The following NOVA1 variants were observed in gnomAD, a reference collection of about 807,000 sequenced individuals.
NOVA1 encodes the protein RNA-binding protein Nova-1.
In NOVA1, 7 loss-of-function variants were observed where a neutral mutation model predicts 38.0. That is an observed-to-expected ratio of 0.18 (90% CI 0.10 to 0.35). The LOEUF is 0.35. Among genes scored for constraint, NOVA1 ranks in the 10% least tolerant of loss-of-function variants. The pLI, the probability that NOVA1 is intolerant of heterozygous loss-of-function variation, is 1.00. For missense variants in NOVA1, 460 were observed against 616.0 expected, an observed-to-expected ratio of 0.75 and a Z score of 2.68; for synonymous variants, 270 against 232.5, an observed-to-expected ratio of 1.16 and a Z score of -1.47.
intron 2 of NOVA1, among the ~76,000 whole-genome samples, chr14:26,557,009 C>T (rs2138666891): frequency 6.6e-6 from 1 of 152,242 alleles, no homozygotes; most frequent in African/African-American, 2.4e-5. Flanking sequence ...AAGCCTCTCT[C>T]CTTGGCTTGT....
At chr14:26,482,945 C>T (rs1885581965) in intron 2 of NOVA1, among the ~76,000 whole-genome samples, 1 of 152,136 alleles carries the variant, frequency 6.6e-6, no homozygotes. Context: ...ATCTGCCCAC[C>T]TCAGCCTCCC....
intron 2 of NOVA1, among the ~76,000 whole-genome samples, chr14:26,545,972 T>C (rs972585394): frequency 6.6e-6 from 1 of 152,098 alleles, no homozygotes; most frequent in Non-Finnish European, 1.5e-5. Flanking sequence ...ACTTATACAT[T>C]TAAAATTTTC....
chr14:26,462,326 T>C (rs1018120588), intron 4 of NOVA1, among the ~76,000 whole-genome samples: 1 of 152,150 alleles, frequency 6.6e-6, no homozygotes, highest in Non-Finnish European at 1.5e-5. Flanking sequence ...ATGTATATTG[T>C]TTCATGGTAA....
intron 2 of NOVA1, among the ~76,000 whole-genome samples, chr14:26,540,465 G>C (rs1890393362): frequency 6.6e-6 from 1 of 152,076 alleles, no homozygotes; most frequent in Non-Finnish European, 1.5e-5. Context: ...GATGACTTTT[G>C]CCACAATTAT....
intron 4 of NOVA1, among the ~76,000 whole-genome samples, chr14:26,462,369 GAC>G (rs1490851549): frequency 6.6e-6 from 1 of 151,846 alleles, no homozygotes; most frequent in Non-Finnish European, 1.5e-5. Flanking sequence ...AAAAAAAAGA[GAC>G]AGTGTCATAT....
At chr14:26,475,991 T>C (rs76591573) in intron 3 of NOVA1, among the ~76,000 whole-genome samples, 1,586 of 152,306 alleles carry the variant, frequency 0.01, 10 homozygotes, top group Non-Finnish European at 0.017. Flanking sequence ...ATCTCAATTG[T>C]AATTCAAAAT....
At chr14:26,503,235 A>G (rs1887373127) in intron 2 of NOVA1, among the ~76,000 whole-genome samples, 1 of 152,042 alleles carries the variant, frequency 6.6e-6, no homozygotes, top group African/African-American at 2.4e-5. Flanking sequence ...AGAAAAAGGT[A>G]AACATCAACC....
chr14:26,485,078 A>C lies in NOVA1; in HGVS notation c.281-4935T>G, dbSNP rs544221453. ...AAAATAACTGTTATGAAAAACACTG[A>C]GAGACAATGACAGGCTCAGCAGAGA... On this transcript the variant is annotated intron_variant, in intron 2 of 4. Coordinates refer to ENST00000539517, the MANE Select transcript of NOVA1 (RefSeq NM_002515.3). Among the ~76,000 whole-genome samples, 34 of 152,318 alleles carry C rather than the reference A, an allele frequency of 2.2e-4. 1 individual carries two copies. Among genetic ancestry groups the C allele is most frequent in the African/African-American group, 7.9e-4 (33 of 41,564 alleles).
intron 2 of NOVA1, among the ~76,000 whole-genome samples, chr14:26,504,777 TA>T (rs5807365): frequency 0.015 from 2,234 of 148,272 alleles, 44 homozygotes; most frequent in African/African-American, 0.05. Flanking sequence ...GACAGTAAGT[TA>T]AAAAAAAAAA....
At chr14:26,559,602 T>C (rs1283119508) in intron 2 of NOVA1, among the ~76,000 whole-genome samples, 2 of 152,130 alleles carry the variant, frequency 1.3e-5, no homozygotes, top group East Asian at 3.9e-4. Flanking sequence ...TGGATAGAAC[T>C]GGTAGTCATT....
chr14:26,510,179 ATTAT>A (rs1482383919), intron 2 of NOVA1, among the ~76,000 whole-genome samples: 1 of 152,192 alleles, frequency 6.6e-6, no homozygotes, highest in East Asian at 1.9e-4. Flanking sequence ...TCATTAAGTC[ATTAT>A]TTATTTTATT....
chr14:26,574,097 C>A (rs1055596737), intron 2 of NOVA1, among the ~76,000 whole-genome samples: 1 of 148,604 alleles, frequency 6.7e-6, no homozygotes, highest in African/African-American at 2.5e-5. Flanking sequence ...ACAATCTCAG[C>A]TCACTGCAAC....
At chr14:26,574,047 A>G (rs1342953735) in intron 2 of NOVA1, among the ~76,000 whole-genome samples, 6 of 136,996 alleles carry the variant, frequency 4.4e-5, no homozygotes, top group Admixed American at 3.7e-4. Context: ...TTTTTTTGAG[A>G]CAGAGTCTCC....
At chr14:26,529,128 CT>C (rs5807368) in intron 2 of NOVA1, among the ~76,000 whole-genome samples, 42,950 of 145,788 alleles carry the variant, frequency 0.29, 6,605 homozygotes, top group East Asian at 0.41. Flanking sequence ...AGTGGTTATG[CT>C]TTTTTTTTTT....
chr14:26,473,324 G>C (rs1351780029), intron 3 of NOVA1, among the ~76,000 whole-genome samples: 2 of 151,412 alleles, frequency 1.3e-5, no homozygotes, highest in African/African-American at 4.8e-5. Flanking sequence ...ATTTTTTTAA[G>C]TGTCATATGC....
chr14:26,595,550 T>A lies in NOVA1; in HGVS notation c.140A>T (p.Asp47Val). The A allele has an allele frequency of 1.2e-6, 2 of 1,611,754 alleles. No individual in the cohort carries two copies. The highest frequency in any genetic ancestry group is 1.7e-6 in the Non-Finnish European group (2 of 1,179,284). ...GAGAACCTTTAGAAAATACTGGCCG[T>A]CTTCTGAAAAATGCAAAGAAATATA... is the stretch of plus-strand genomic sequence containing the variant. The part of the protein sequence containing the change: ...GSTKRTNTGE[D>V]GQYFLKVLIP... The change falls in exon 2 of 5, where the codon GAC becomes GTC. Residue 47 changes from aspartate to valine, a missense_variant. By Grantham distance (152) the Asp-to-Val change is radical. Transcript: ENST00000539517.
chr14:26,520,423 C>T (rs1888783291), intron 2 of NOVA1, among the ~76,000 whole-genome samples: 1 of 152,250 alleles, frequency 6.6e-6, no homozygotes, highest in African/African-American at 2.4e-5. Context: ...CCATAGGGCA[C>T]ATCATTTCCT....
intron 2 of NOVA1, among the ~76,000 whole-genome samples, chr14:26,526,711 T>C (rs1023491711): frequency 6.6e-6 from 1 of 152,172 alleles, no homozygotes; most frequent in Non-Finnish European, 1.5e-5. Context: ...TTGCCTTGAA[T>C]TTAGAATCAA....
chr14:26,561,769 A>C (rs920213544), intron 2 of NOVA1, among the ~76,000 whole-genome samples: 7 of 152,326 alleles, frequency 4.6e-5, no homozygotes, highest in African/African-American at 1.7e-4. Context: ...ATAATGTTTA[A>C]TACTTCTAAA....
Sources: gnomAD v4.1 joint callset for allele counts (sites outside exome capture counted in the v4.1 genomes callset) on GRCh38, gnomAD v4.1.1 for gene constraint, MANE v1.5 for transcripts, NCBI Gene and HGNC (gene_info 2026-07-23, HGNC 2026-07-21) for gene names.